The following ADAM32 variants were observed in gnomAD, a reference collection of about 807,000 sequenced individuals.
ADAM32 encodes disintegrin and metalloproteinase domain-containing protein 32.
Under a neutral mutation model 114.9 loss-of-function variants are expected in ADAM32, and 89 were observed. That is an observed-to-expected ratio of 0.77 (90% CI 0.65 to 0.92). The LOEUF is 0.92. Ranked by LOEUF, ADAM32 falls within the 40% of genes least tolerant of loss-of-function variation. The pLI, the probability that ADAM32 is intolerant of heterozygous loss-of-function variation, is 0.00. For missense variants in ADAM32, 870 were observed against 932.8 expected (o/e 0.93, Z 0.88); for synonymous variants, 285 against 307.5 (o/e 0.93, Z 0.77).
intron 11 of ADAM32, 123 bp from the exon 12 acceptor site, chr8:39,211,021 A>G (rs1284307569): frequency 1.2e-6 from 1 of 858,230 alleles, no homozygotes; most frequent in East Asian, 3.2e-5. Context: ...TTTGGCCTCT[A>G]AGCACTTATT....
intron 2 of ADAM32, among the ~76,000 whole-genome samples, chr8:39,134,968 C>G (rs1472599622): frequency 6.6e-6 from 1 of 152,082 alleles, no homozygotes; most frequent in Admixed American, 6.5e-5. Flanking sequence ...CCAGCCTGAC[C>G]AGCATGGAGG....
intron 9 of ADAM32, 89 bp from the exon 10 acceptor site, chr8:39,169,827 T>C (rs1805079579): frequency 1.0e-6 from 1 of 972,916 alleles, no homozygotes; most frequent in African/African-American, 1.6e-5. Flanking sequence ...ATTTGGATTT[T>C]ATGAACTGCA....
At chr8:39,117,288 C>T (rs553247208) in intron 1 of ADAM32, among the ~76,000 whole-genome samples, 16 of 152,300 alleles carry the variant, frequency 1.1e-4, no homozygotes, top group Admixed American at 8.5e-4. Context: ...GAGCTTTTAA[C>T]ATTTGCATCT....
In ADAM32 at chr8:39,232,091, C is replaced by G; in HGVS notation, c.1590C>G (p.Asn530Lys). 1.2e-6 allele frequency: 2 copies of G among 1,612,286 alleles called. No individual in the cohort carries two copies. Among genetic ancestry groups the G allele is most frequent in the Non-Finnish European group, 8.5e-7 (1 of 1,178,712 alleles). ...AATCTCAATCAGACAGATTTGGGAA[C>G]TGTGGTAGGGATAGAAATAACAAAT... ...EIQSQSDRFGNCGRDRNNKYV... is the reference protein window; with the variant it reads ...EIQSQSDRFGKCGRDRNNKYV... Residue 530 changes from asparagine (N) to lysine (K), a missense_variant, in exon 15 of 25, where the codon AAC (asparagine) becomes AAG (lysine). Physicochemically the swap from Asn to Lys is moderately conservative, Grantham distance 94. Transcript: ENST00000379907.
chr8:39,146,132 A>G (rs1218063422), intron 3 of ADAM32, among the ~76,000 whole-genome samples: 1 of 152,192 alleles, frequency 6.6e-6, no homozygotes, highest in Non-Finnish European at 1.5e-5. Context: ...GAGGCTTTCC[A>G]ACAGAAGCTA....
At chr8:39,280,209 T>C (rs1323744862) in intron 22 of ADAM32, among the ~76,000 whole-genome samples, 3 of 152,236 alleles carry the variant, frequency 2.0e-5, no homozygotes, top group African/African-American at 4.8e-5. Context: ...GCTAGGGTTA[T>C]GAAAACCACA....
intron 16 of ADAM32, among the ~76,000 whole-genome samples, chr8:39,241,951 T>C (rs1161718074): frequency 6.6e-6 from 1 of 152,212 alleles, no homozygotes; most frequent in Non-Finnish European, 1.5e-5. Flanking sequence ...GTTTCCCTTT[T>C]AAAACTGAAT....
chr8:39,183,797 C>T (rs942943935), intron 10 of ADAM32, among the ~76,000 whole-genome samples: 2 of 152,176 alleles, frequency 1.3e-5, no homozygotes, highest in Non-Finnish European at 2.9e-5. Context: ...TAGTAATGAA[C>T]CCATTTCTAT....
chr8:39,189,696 A>G (rs537537273), intron 11 of ADAM32, among the ~76,000 whole-genome samples: 1 of 152,298 alleles, frequency 6.6e-6, no homozygotes, highest in East Asian at 1.9e-4. Flanking sequence ...TTGCTATTGA[A>G]CACTAGAACT....
At chr8:39,199,187 A>C (rs1391992128) in intron 11 of ADAM32, among the ~76,000 whole-genome samples, 2 of 152,182 alleles carry the variant, frequency 1.3e-5, no homozygotes, top group Non-Finnish European at 2.9e-5. Flanking sequence ...CGTGCCTTGA[A>C]CAAGACCTTT....
chr8:39,259,600 C>T (rs1811891969), intron 19 of ADAM32, among the ~76,000 whole-genome samples: 1 of 152,140 alleles, frequency 6.6e-6, no homozygotes. Flanking sequence ...TCATTTAACT[C>T]CTTCCATTTT....
At chr8:39,151,630 C>T (rs1803835777) in intron 6 of ADAM32, 82 bp downstream of exon 6, 2 of 1,028,624 alleles carry the variant, frequency 1.9e-6, no homozygotes, top group Non-Finnish European at 2.7e-6. Flanking sequence ...TTTATAAGCC[C>T]ACTGTAGAAT....
At chr8:39,251,522 G>A (rs1299123371) in intron 17 of ADAM32, among the ~76,000 whole-genome samples, 1 of 151,772 alleles carries the variant, frequency 6.6e-6, no homozygotes, top group Non-Finnish European at 1.5e-5. Flanking sequence ...TTTGAGAAAT[G>A]TCTATTCAGA....
intron 15 of ADAM32, among the ~76,000 whole-genome samples, chr8:39,233,092 C>T (rs570832584): frequency 6.6e-5 from 10 of 152,148 alleles, no homozygotes; most frequent in East Asian, 1.9e-4. Context: ...GGTCTGAATA[C>T]GGACCCCAAG....
intron 17 of ADAM32, among the ~76,000 whole-genome samples, chr8:39,254,028 T>C (rs567803430): frequency 9.9e-5 from 15 of 151,728 alleles, no homozygotes; most frequent in African/African-American, 3.1e-4. Flanking sequence ...TGTCATAAAA[T>C]AGAGACATAT....
intron 17 of ADAM32, among the ~76,000 whole-genome samples, chr8:39,253,158 T>C (rs1811413387): frequency 6.6e-6 from 1 of 151,780 alleles, no homozygotes; most frequent in South Asian, 2.1e-4. Flanking sequence ...CACAGATCAA[T>C]TAATGAGATA....
intron 6 of ADAM32, among the ~76,000 whole-genome samples, chr8:39,154,025 A>T (rs1269952714): frequency 1.9e-5 from 1 of 51,858 alleles, no homozygotes; most frequent in African/African-American, 5.6e-5. Context: ...GACAAACAGA[A>T]AGTTCCTCAT....
chr8:39,254,588 C>T (rs1811522137), intron 18 of ADAM32, 72 bp downstream of exon 18: 7 of 1,218,148 alleles, frequency 5.7e-6, no homozygotes, highest in East Asian at 5.7e-5. Flanking sequence ...AAACAAAGTT[C>T]GATTTTTCCA....
intron 19 of ADAM32, among the ~76,000 whole-genome samples, chr8:39,268,595 T>C (rs542281860): frequency 6.6e-6 from 1 of 152,350 alleles, no homozygotes; most frequent in Admixed American, 6.5e-5. Context: ...TTTTAAATGT[T>C]TAATAAAACC....
Sources: allele counts gnomAD v4.1 joint callset (sites outside exome capture counted in the v4.1 genomes callset), GRCh38; gene constraint gnomAD v4.1.1; transcripts MANE v1.5; gene names NCBI Gene and HGNC (gene_info 2026-07-23, HGNC 2026-07-21).